The following FSHR variants were observed in gnomAD, a reference collection of about 807,000 sequenced individuals.
The protein encoded by FSHR is follicle-stimulating hormone receptor.
In FSHR, 46 loss-of-function variants were observed where a neutral mutation model predicts 52.1. The observed-to-expected ratio is 0.88, with a 90% confidence interval of 0.70 to 1.13. FSHR has a LOEUF of 1.13. Among genes scored for constraint, FSHR ranks in the 50% most tolerant of loss-of-function variants. The pLI, the probability that FSHR is intolerant of heterozygous loss-of-function variation, is 0.00. For synonymous variants in FSHR, 399 were observed against 309.6 expected (o/e 1.29, Z -3.03); for missense variants, 964 against 834.6 (o/e 1.16, Z -1.91).
chr2:49,015,231 T>C (rs1049143284), intron 4 of FSHR, among the ~76,000 whole-genome samples: 1 of 152,176 alleles, frequency 6.6e-6, no homozygotes, highest in Admixed American at 6.5e-5. Context: ...TCATATATAG[T>C]TTCTTTTCCA....
chr2:48,966,822 G>A (rs145043842), intron 9 of FSHR, among the ~76,000 whole-genome samples: 5 of 152,340 alleles, frequency 3.3e-5, no homozygotes, highest in Non-Finnish European at 7.3e-5. Context: ...GGCATGTAGT[G>A]TAAGAACCAT....
intron 8 of FSHR, among the ~76,000 whole-genome samples, chr2:48,976,567 C>T (rs903674285): frequency 2.6e-5 from 4 of 152,106 alleles, no homozygotes; most frequent in African/African-American, 9.7e-5. Context: ...GTACCAGCTC[C>T]TTTTTGTACC....
At chr2:49,071,049 G>A (rs1340345489) in intron 1 of FSHR, among the ~76,000 whole-genome samples, 3 of 152,192 alleles carry the variant, frequency 2.0e-5, no homozygotes, top group Admixed American at 6.6e-5. Flanking sequence ...ATTTTGGTAC[G>A]AAACTGGCAC....
rs1444726233 is a variant in FSHR at position 49,064,694 on chromosome 2, A to G, written c.224+3525T>C. Among the ~76,000 whole-genome samples the G allele has an allele frequency of 4.6e-5, 7 of 152,246 alleles. No individual in the cohort carries two copies. The East Asian group carries it at 1.4e-3, about 29-fold the overall frequency. On this transcript the variant is annotated intron_variant, in intron 2 of 9. Transcript: ENST00000406846. ...AGGTTAGACGTGTAACGAGGTAAAA[A>G]CAACAGGACTTGGTGTTGTACTTCA...
At chr2:49,021,849 C>CTT (rs1667715443) in intron 2 of FSHR, among the ~76,000 whole-genome samples, 1 of 32,544 alleles carries the variant, frequency 3.1e-5, no homozygotes, top group Non-Finnish European at 5.5e-5. Flanking sequence ...CTCTCTCTCT[C>CTT]TCTCTCTCTC....
intron 2 of FSHR, among the ~76,000 whole-genome samples, chr2:49,027,506 C>T (rs578006364): frequency 1.3e-5 from 2 of 152,028 alleles, no homozygotes; most frequent in African/African-American, 4.8e-5. Context: ...GGGAGCCATG[C>T]ATAGGATAAT....
intron 1 of FSHR, among the ~76,000 whole-genome samples, chr2:49,092,801 G>A (rs898783242): frequency 1.4e-4 from 22 of 152,216 alleles, no homozygotes; most frequent in African/African-American, 5.1e-4. Context: ...AAATAGCTGG[G>A]ATTACAGATG....
At chr2:49,009,652 C>T (rs1219351541) in intron 4 of FSHR, among the ~76,000 whole-genome samples, 1 of 150,642 alleles carries the variant, frequency 6.6e-6, no homozygotes, top group Non-Finnish European at 1.5e-5. Flanking sequence ...ATTCTTCCTG[C>T]CCATGAGCAT....
chr2:49,026,618 T>C (rs1667918434), intron 2 of FSHR, among the ~76,000 whole-genome samples: 1 of 152,212 alleles, frequency 6.6e-6, no homozygotes, highest in Non-Finnish European at 1.5e-5. Context: ...TTACTGCCCT[T>C]ATCTTGCAAA....
At chr2:49,030,316 T>A (rs1163825104) in intron 2 of FSHR, among the ~76,000 whole-genome samples, 1 of 134,260 alleles carries the variant, frequency 7.4e-6, no homozygotes, top group Non-Finnish European at 1.6e-5. Flanking sequence ...GTGTGTGTGT[T>A]ATTGGAGGCT....
intron 1 of FSHR, among the ~76,000 whole-genome samples, chr2:49,085,483 A>T (rs932003460): frequency 2.6e-5 from 4 of 152,216 alleles, no homozygotes; most frequent in African/African-American, 7.2e-5. Flanking sequence ...TAGTGTTGGA[A>T]GTTCTGGCCA....
chr2:49,136,232 T>G (rs1377782650), intron 1 of FSHR, among the ~76,000 whole-genome samples: 1 of 152,076 alleles, frequency 6.6e-6, no homozygotes, highest in South Asian at 2.1e-4. Context: ...TTTTTACAAA[T>G]GCACACCAAT....
intron 1 of FSHR, among the ~76,000 whole-genome samples, chr2:49,141,233 T>C (rs1337156617): frequency 6.6e-6 from 1 of 151,878 alleles, no homozygotes; most frequent in East Asian, 1.9e-4. Context: ...TAGTTGCTTG[T>C]ACCCATCTGT....
In FSHR at chr2:49,022,866, A is replaced by G. The variant is rs1333731083; in HGVS notation, c.225-2706T>C. ...TGAGTCTCTCCTTTCCTCATCTTCT[A>G]GGACAGCGCTTCTCAAATGCTAACA... On this transcript the variant is annotated intron_variant, in intron 2 of 9. Coordinates refer to ENST00000406846, the MANE Select transcript of FSHR (RefSeq NM_000145.4). Among the ~76,000 whole-genome samples the G allele has an allele frequency of 4.6e-5, 7 of 152,314 alleles. No individual in the cohort carries two copies. In the East Asian group the frequency reaches 1.4e-3, roughly 29 times the overall value.
In FSHR at chr2:49,108,303, A is replaced by T. The variant is rs138517334; in HGVS notation, c.153-40013T>A. On this transcript the variant is annotated intron_variant, in intron 1 of 9. Transcript: ENST00000406846. ...CAGCTGGCAGATTGTAGATTGTGAG[A>T]CTTCTCAGCCTCCATGATCATGTGA... 1.6e-3 allele frequency among the ~76,000 whole-genome samples: 245 copies of T among 152,200 alleles called. 1 individual carries two copies. Among genetic ancestry groups the T allele is most frequent in the African/African-American group, 5.5e-3 (230 of 41,536 alleles).
chr2:49,056,093 A>G (rs939642014), intron 2 of FSHR, among the ~76,000 whole-genome samples: 8 of 152,078 alleles, frequency 5.3e-5, no homozygotes, highest in Non-Finnish European at 1.2e-4. Context: ...AGGATATACA[A>G]AACAAGCAGA....
chr2:49,086,618 G>A (rs929464693), intron 1 of FSHR, among the ~76,000 whole-genome samples: 1 of 152,096 alleles, frequency 6.6e-6, no homozygotes, highest in African/African-American at 2.4e-5. Flanking sequence ...TGTGCTATCA[G>A]GCATCCTTAT....
intron 1 of FSHR, among the ~76,000 whole-genome samples, chr2:49,136,455 C>T (rs1672492238): frequency 6.6e-6 from 1 of 151,936 alleles, no homozygotes; most frequent in Admixed American, 6.6e-5. Context: ...GAATAAATAC[C>T]AATTATTCAC....
intron 9 of FSHR, among the ~76,000 whole-genome samples, chr2:48,967,424 T>A (rs968705693): frequency 6.6e-6 from 1 of 152,122 alleles, no homozygotes; most frequent in Non-Finnish European, 1.5e-5. Flanking sequence ...TATTTCTCCT[T>A]TGGGGTATTC....
Sources: gnomAD v4.1 joint callset for allele counts (sites outside exome capture counted in the v4.1 genomes callset) on GRCh38, gnomAD v4.1.1 for gene constraint, MANE v1.5 for transcripts, NCBI Gene and HGNC (gene_info 2026-07-23, HGNC 2026-07-21) for gene names.